Variants in NDST3 observed in about 807,000 individuals in gnomAD.
NDST3 encodes N-deacetylase and N-sulfotransferase 3.
Under a neutral mutation model 96.1 loss-of-function variants are expected in NDST3, and 58 were observed. That is an observed-to-expected ratio of 0.60 (90% CI 0.49 to 0.75). The LOEUF (loss-of-function observed/expected upper bound fraction) is 0.75, where lower values mean the gene tolerates loss of function less well. Ranked by LOEUF, NDST3 falls within the 30% of genes least tolerant of loss-of-function variation. The pLI is 0.00. For synonymous variants in NDST3, 333 were observed against 359.7 expected, an observed-to-expected ratio of 0.93 and a Z score of 0.84; for missense variants, 788 against 1,034.2, an observed-to-expected ratio of 0.76 and a Z score of 3.27.
chr4:118,183,510 T>C (rs144405324), intron 6 of NDST3, among the ~76,000 whole-genome samples: 143 of 152,262 alleles, frequency 9.4e-4, no homozygotes, highest in African/African-American at 3.3e-3. Context: ...CCATGAATCA[T>C]CTCACTAGTA....
At chr4:118,215,907 T>G (rs150823896) in intron 6 of NDST3, among the ~76,000 whole-genome samples, 3,040 of 152,026 alleles carry the variant, frequency 0.02, 42 homozygotes, top group South Asian at 0.033. Flanking sequence ...ACAGAAGGCC[T>G]CCAGAGAGGG....
At chr4:118,245,335 CTATGT>C (rs1440099313) in intron 12 of NDST3, among the ~76,000 whole-genome samples, 1 of 152,096 alleles carries the variant, frequency 6.6e-6, no homozygotes, top group South Asian at 2.1e-4. Context: ...TGAAACCAGA[CTATGT>C]TATATGAATT....
chr4:118,203,768 T>C (rs1267386539), intron 6 of NDST3, among the ~76,000 whole-genome samples: 2 of 152,204 alleles, frequency 1.3e-5, no homozygotes, highest in African/African-American at 4.8e-5. Flanking sequence ...AATCAGAAGA[T>C]ACATTACTCA....
intron 1 of NDST3, among the ~76,000 whole-genome samples, chr4:118,048,771 A>T (rs1397946563): frequency 6.6e-6 from 1 of 152,136 alleles, no homozygotes; most frequent in Non-Finnish European, 1.5e-5. Flanking sequence ...CAACTATACA[A>T]TAATAATGGG....
intron 6 of NDST3, among the ~76,000 whole-genome samples, chr4:118,150,878 C>T (rs895552913): frequency 1.7e-4 from 26 of 152,086 alleles, no homozygotes; most frequent in Admixed American, 3.9e-4. Flanking sequence ...CCAGCCATCC[C>T]ATTACTGGGT....
chr4:118,249,842 G>A (rs1578874136), intron 12 of NDST3, among the ~76,000 whole-genome samples: 1 of 151,928 alleles, frequency 6.6e-6, no homozygotes. Flanking sequence ...GCAGTTCAAT[G>A]AATACAAATA....
chr4:118,180,546 A>G (rs1027767351), intron 6 of NDST3, among the ~76,000 whole-genome samples: 1 of 152,142 alleles, frequency 6.6e-6, no homozygotes, highest in Non-Finnish European at 1.5e-5. Flanking sequence ...AAAATAACCC[A>G]CTAAATGCCA....
intron 5 of NDST3, among the ~76,000 whole-genome samples, chr4:118,138,502 C>T (rs1032216807): frequency 1.3e-5 from 2 of 152,144 alleles, no homozygotes; most frequent in Non-Finnish European, 2.9e-5. Context: ...AAAAAAATTA[C>T]ATTTAACTTG....
intron 6 of NDST3, among the ~76,000 whole-genome samples, chr4:118,168,910 A>C (rs1735735120): frequency 6.6e-6 from 1 of 152,162 alleles, no homozygotes; most frequent in African/African-American, 2.4e-5. Flanking sequence ...TTAACATGAG[A>C]TATCTGAAAC....
At chr4:118,145,877 T>C (rs1733903725) in intron 6 of NDST3, among the ~76,000 whole-genome samples, 1 of 152,308 alleles carries the variant, frequency 6.6e-6, no homozygotes, top group South Asian at 2.1e-4. Context: ...GCTAACGTTA[T>C]CTGGCACACC....
At chr4:118,187,873 A>C (rs1414026304) in intron 6 of NDST3, among the ~76,000 whole-genome samples, 1 of 152,170 alleles carries the variant, frequency 6.6e-6, no homozygotes, top group Non-Finnish European at 1.5e-5. Context: ...GCCAAGACTC[A>C]AGTTCCCAAA....
chr4:118,110,494 T>C (rs998973039), intron 3 of NDST3, among the ~76,000 whole-genome samples: 1 of 152,142 alleles, frequency 6.6e-6, no homozygotes, highest in African/African-American at 2.4e-5. Flanking sequence ...TGAGGTTGTT[T>C]TGAGAATTAA....
rs543681198 is a variant in NDST3 at position 118,137,977 on chromosome 4, A to T, written c.1225-77A>T. Reference sequence around the variant, plus strand: ...GCATTTAAATATATATATTTACAGTACATTTGAAAATCTTACTGTAAAAAT... The same window carrying T: ...GCATTTAAATATATATATTTACAGTTCATTTGAAAATCTTACTGTAAAAAT... On this transcript the variant is annotated intron_variant, in intron 4 of 13. Transcript: ENST00000296499. 128 of 1,215,560 alleles carry T rather than the reference A, an allele frequency of 1.1e-4. 1 individual carries two copies. The South Asian group carries it at 2.1e-3, about 20-fold the overall frequency. 75.3% of individuals were successfully genotyped at this position (1,215,560 alleles called of 1,614,324 possible). A position where few individuals can be genotyped will look rare whatever the true frequency, so the allele number is the denominator to read the frequency against.
intron 6 of NDST3, among the ~76,000 whole-genome samples, chr4:118,173,946 CCTAA>C (rs1303076716): frequency 1.2e-4 from 19 of 152,152 alleles, no homozygotes; most frequent in Non-Finnish European, 1.5e-5. Flanking sequence ...TGCTTATCTA[CCTAA>C]CTAAAAGCTG....
chr4:118,156,490 C>T (rs1031717891), intron 6 of NDST3, among the ~76,000 whole-genome samples: 4 of 152,152 alleles, frequency 2.6e-5, no homozygotes, highest in African/African-American at 7.2e-5. Context: ...AAAGTTTTGG[C>T]ACATAGTAGG....
At chr4:118,174,896 A>T (rs534570314) in intron 6 of NDST3, among the ~76,000 whole-genome samples, 75 of 152,242 alleles carry the variant, frequency 4.9e-4, no homozygotes, top group Non-Finnish European at 8.4e-4. Flanking sequence ...ACTGTCACCT[A>T]TAATTTTGTC....
intron 2 of NDST3, among the ~76,000 whole-genome samples, chr4:118,073,011 T>A (rs532545913): frequency 7.3e-4 from 111 of 152,330 alleles, no homozygotes; most frequent in African/African-American, 2.5e-3. Flanking sequence ...TAATTCTGTT[T>A]ATGTGATAAA....
At chr4:118,097,774 G>C (rs9637623) in intron 2 of NDST3, among the ~76,000 whole-genome samples, 1 of 151,402 alleles carries the variant, frequency 6.6e-6, no homozygotes, top group East Asian at 1.9e-4. Context: ...TGAAAATAAA[G>C]TAGTAAATAA....
At chr4:118,036,767 G>A (rs1724175742) in intron 1 of NDST3, among the ~76,000 whole-genome samples, 1 of 152,020 alleles carries the variant, frequency 6.6e-6, no homozygotes, top group Admixed American at 6.6e-5. Flanking sequence ...TCGATTTCAT[G>A]TAAGTTACAG....
Sources: gnomAD v4.1 joint callset for allele counts (sites outside exome capture counted in the v4.1 genomes callset) on GRCh38, gnomAD v4.1.1 for gene constraint, MANE v1.5 for transcripts, NCBI Gene and HGNC (gene_info 2026-07-23, HGNC 2026-07-21) for gene names.